Variants in BCAR3 observed in about 807,000 individuals in gnomAD.
BCAR3 encodes BCAR3 adaptor protein, NSP family member.
In BCAR3, 37 loss-of-function variants were observed where a neutral mutation model predicts 80.1. The observed-to-expected ratio is 0.46, with a 90% CI of 0.36 to 0.61. BCAR3 has a LOEUF of 0.61. Ranked by LOEUF, BCAR3 falls within the 20% of genes least tolerant of loss-of-function variation. The pLI is 0.00. For synonymous variants in BCAR3, 389 were observed against 418.9 expected (o/e 0.93, Z 0.87); for missense variants, 978 against 1,068.2 (o/e 0.92, Z 1.18).
chr1:93,637,107 C>G (rs1675806479), intron 3 of BCAR3, among the ~76,000 whole-genome samples: 1 of 151,592 alleles, frequency 6.6e-6, no homozygotes, highest in Admixed American at 6.6e-5. Flanking sequence ...AAAAACAAAA[C>G]AAACAAAGCA....
chr1:93,635,098 G>T (rs1264097748), intron 3 of BCAR3, among the ~76,000 whole-genome samples: 2 of 152,040 alleles, frequency 1.3e-5, no homozygotes, highest in Non-Finnish European at 2.9e-5. Context: ...GGTAGTGAGT[G>T]CCTGGAGTCC....
At chr1:93,599,327 C>G (rs1031310576) in intron 3 of BCAR3, 1 of 152,206 alleles carries the variant, frequency 6.6e-6, no homozygotes, top group Admixed American at 6.5e-5. Context: ...AAAGTGACCT[C>G]TAGCATGCAC....
intron 2 of BCAR3, among the ~76,000 whole-genome samples, chr1:93,815,320 T>G (rs1450797463): frequency 6.6e-6 from 1 of 152,152 alleles, no homozygotes; most frequent in Non-Finnish European, 1.5e-5. Context: ...CGGGGAACTA[T>G]GAGAAATAAG....
At chr1:93,767,924 T>A (rs1005506387) in intron 2 of BCAR3, among the ~76,000 whole-genome samples, 4 of 152,182 alleles carry the variant, frequency 2.6e-5, no homozygotes, top group Admixed American at 2.6e-4. Context: ...TGAAACTAGA[T>A]AGGGGTTACA....
At chr1:93,571,405 T>G in intron 9 of BCAR3, 2 of 406,300 alleles carry the variant, frequency 4.9e-6, no homozygotes, top group Non-Finnish European at 9.3e-6. Context: ...GGCTGAGGCA[T>G]GAGAATCACT....
chr1:93,746,447 G>C (rs1651360941), intron 2 of BCAR3, among the ~76,000 whole-genome samples: 1 of 152,154 alleles, frequency 6.6e-6, no homozygotes, highest in Admixed American at 6.5e-5. Flanking sequence ...TAAAGAAACA[G>C]AGCTTCATGG....
chr1:93,805,553 G>T lies in BCAR3; in HGVS notation c.-63+40014C>A, dbSNP rs150967369. On this transcript the variant is annotated intron_variant, in intron 2 of 13. Coordinates refer to the BCAR3 transcript ENST00000370244. ...AGGGCAGCCAACATGGGATTTGGAA[G>T]TCCAGAGTGAAGCCCTCTGCATTCC... is the stretch of plus-strand genomic sequence containing the variant. 1.8e-4 allele frequency among the ~76,000 whole-genome samples: 27 copies of T among 149,458 alleles called. No homozygotes were observed. The East Asian group carries it at 4.8e-3, about 26-fold the overall frequency.
At chr1:93,653,644 G>A (rs1433926470) in intron 2 of BCAR3, among the ~76,000 whole-genome samples, 2 of 152,176 alleles carry the variant, frequency 1.3e-5, no homozygotes, top group African/African-American at 4.8e-5. Context: ...ACAGCACAGG[G>A]CGGAAGACAG....
At chr1:93,737,997 T>A (rs754462323) in intron 2 of BCAR3, among the ~76,000 whole-genome samples, 1 of 152,104 alleles carries the variant, frequency 6.6e-6, no homozygotes, top group South Asian at 2.1e-4. Flanking sequence ...GCCAGCCTTA[T>A]TTTTTTATTT....
At chr1:93,676,064 G>C (rs539952740) in intron 1 of BCAR3, among the ~76,000 whole-genome samples, 6 of 151,680 alleles carry the variant, frequency 4.0e-5, no homozygotes, top group Admixed American at 3.9e-4. Flanking sequence ...CCCTTCCCAC[G>C]GGCTGGTGAG....
At chr1:93,591,243 G>A (rs528934792) in intron 4 of BCAR3, among the ~76,000 whole-genome samples, 1 of 149,640 alleles carries the variant, frequency 6.7e-6, no homozygotes, top group African/African-American at 2.5e-5. Flanking sequence ...GGGAGGCTGA[G>A]GTGGGTGGAT....
intron 2 of BCAR3, chr1:93,753,976 G>A (rs1429219944): frequency 6.6e-6 from 1 of 152,228 alleles, no homozygotes; most frequent in Non-Finnish European, 1.5e-5. Flanking sequence ...TTTGGCAGGT[G>A]CCTGGACTGT....
intron 11 of BCAR3, among the ~76,000 whole-genome samples, chr1:93,566,051 A>G (rs963401434): frequency 6.6e-6 from 1 of 152,164 alleles, no homozygotes; most frequent in South Asian, 2.1e-4. Context: ...AAATCTGACC[A>G]TGTGACACCC....
chr1:93,768,259 GTGTGTGTGTT>G (rs796476374), intron 2 of BCAR3, among the ~76,000 whole-genome samples: 1 of 136,244 alleles, frequency 7.3e-6, no homozygotes, highest in Non-Finnish European at 1.5e-5. Context: ...CTGAGTGAAT[GTGTGTGTGTT>G]TGTGTGTGTG....
intron 3 of BCAR3, among the ~76,000 whole-genome samples, chr1:93,617,911 G>A (rs570499296): frequency 2.6e-5 from 4 of 152,312 alleles, no homozygotes; most frequent in Middle Eastern, 3.4e-3. Context: ...AAGTTGATCC[G>A]CAGCCTTGCT....
intron 2 of BCAR3, among the ~76,000 whole-genome samples, chr1:93,773,455 G>T (rs190027249): frequency 1.7e-4 from 26 of 152,318 alleles, no homozygotes; most frequent in African/African-American, 6.3e-4. Context: ...GGAAGGGGAG[G>T]GGGGCAGACA....
At chr1:93,678,963 T>C (rs1335243984) in intron 1 of BCAR3, among the ~76,000 whole-genome samples, 1 of 152,182 alleles carries the variant, frequency 6.6e-6, no homozygotes, top group African/African-American at 2.4e-5. Flanking sequence ...TGTCTCAATG[T>C]CCCTAGTCAT....
chr1:93,816,519 A>G (rs1237214624), intron 2 of BCAR3, among the ~76,000 whole-genome samples: 1 of 151,562 alleles, frequency 6.6e-6, no homozygotes, highest in African/African-American at 2.4e-5. Context: ...AAAAATACAA[A>G]AATTAGCTGT....
At chr1:93,742,903 T>A (rs1233997682) in intron 2 of BCAR3, among the ~76,000 whole-genome samples, 1 of 152,184 alleles carries the variant, frequency 6.6e-6, no homozygotes, top group Non-Finnish European at 1.5e-5. Context: ...AGAAGGGAAC[T>A]GAAGAAAGGG....
Sources: allele counts gnomAD v4.1 joint callset (sites outside exome capture counted in the v4.1 genomes callset), GRCh38; gene constraint gnomAD v4.1.1; transcripts MANE v1.5; gene names NCBI Gene and HGNC (gene_info 2026-07-23, HGNC 2026-07-21).